Variants in SLC4A4 observed in about 807,000 individuals in gnomAD.
SLC4A4 encodes electrogenic sodium bicarbonate cotransporter 1.
A neutral mutation model predicts 111.5 loss-of-function variants in SLC4A4; 27 were observed. The observed-to-expected ratio is 0.24, with a 90% confidence interval of 0.18 to 0.33. SLC4A4 has a LOEUF of 0.33. Among genes scored for constraint, SLC4A4 ranks in the 10% least tolerant of loss-of-function variants. The probability of loss-of-function intolerance (pLI) is 1.00; values close to 1 mark genes in which losing one functional copy is unlikely to be tolerated. For synonymous variants in SLC4A4, 443 were observed against 463.4 expected, an observed-to-expected ratio of 0.96 and a Z score of 0.57; for missense variants, 909 against 1,315.5, an observed-to-expected ratio of 0.69 and a Z score of 4.78.
chr4:71,378,941 C>T (rs1188573214), intron 6 of SLC4A4, among the ~76,000 whole-genome samples: 2 of 152,146 alleles, frequency 1.3e-5, no homozygotes, highest in African/African-American at 4.8e-5. Flanking sequence ...TTGCCCTTCA[C>T]CCTCTGTACC....
chr4:71,424,230 A>C (rs1283345677), intron 7 of SLC4A4, among the ~76,000 whole-genome samples: 11 of 152,170 alleles, frequency 7.2e-5, no homozygotes, highest in Non-Finnish European at 1.3e-4. Flanking sequence ...GCCAAAAGAC[A>C]CATGAAAAAA....
At chr4:71,448,131 C>G (rs537501574) in intron 9 of SLC4A4, among the ~76,000 whole-genome samples, 1 of 151,976 alleles carries the variant, frequency 6.6e-6, no homozygotes, top group African/African-American at 2.4e-5. Flanking sequence ...ACCAGCCTGA[C>G]CAACATGGTG....
chr4:71,259,632 C>G (rs934925502), intron 3 of SLC4A4, among the ~76,000 whole-genome samples: 1 of 151,986 alleles, frequency 6.6e-6, no homozygotes, highest in African/African-American at 2.4e-5. Flanking sequence ...GCCTCCTCCA[C>G]TGTGCATTTT....
At chr4:71,333,164 C>T (rs1487378223) in intron 3 of SLC4A4, among the ~76,000 whole-genome samples, 4 of 152,210 alleles carry the variant, frequency 2.6e-5, no homozygotes, top group Non-Finnish European at 5.9e-5. Context: ...CTTGGGAAAG[C>T]TTTTCAAGCA....
intron 6 of SLC4A4, among the ~76,000 whole-genome samples, chr4:71,377,117 C>T (rs537697708): frequency 6.6e-6 from 1 of 152,082 alleles, no homozygotes; most frequent in Non-Finnish European, 1.5e-5. Context: ...AGTTTTAATT[C>T]CTAATGTAAC....
chr4:71,473,092 G>A (rs1244607948), intron 14 of SLC4A4, 122 bp downstream of exon 14: 6 of 1,107,502 alleles, frequency 5.4e-6, no homozygotes, highest in Non-Finnish European at 1.4e-6. Context: ...TTTTTTCTCT[G>A]AAAAACTCTG....
chr4:71,075,300 A>G (rs917409968), intron 1 of SLC4A4, among the ~76,000 whole-genome samples: 2 of 152,146 alleles, frequency 1.3e-5, no homozygotes, highest in African/African-American at 4.8e-5. Flanking sequence ...TGTGATTTCT[A>G]TTAATGTATT....
chr4:71,236,381 T>A, intron 1 of SLC4A4, 195 bp from the exon 2 acceptor site: 1 of 781,138 alleles, frequency 1.3e-6, no homozygotes, highest in South Asian at 1.8e-5. Flanking sequence ...ACTGAAGCTA[T>A]GTGGGACCGG....
intron 7 of SLC4A4, among the ~76,000 whole-genome samples, chr4:71,406,179 A>G (rs1281145530): frequency 1.3e-5 from 2 of 151,002 alleles, no homozygotes; most frequent in Non-Finnish European, 3.0e-5. Flanking sequence ...CCTTCCCCCA[A>G]CCCCCAAGAG....
intron 22 of SLC4A4, among the ~76,000 whole-genome samples, chr4:71,558,971 A>C (rs1001547511): frequency 6.6e-6 from 1 of 151,916 alleles, no homozygotes; most frequent in African/African-American, 2.4e-5. Context: ...AAACCAAGAA[A>C]ATTGAAGCTA....
At chr4:71,438,381 A>G (rs565505971) in intron 7 of SLC4A4, among the ~76,000 whole-genome samples, 43 of 152,354 alleles carry the variant, frequency 2.8e-4, no homozygotes, top group African/African-American at 9.1e-4. Flanking sequence ...TAAAAAGTCA[A>G]TATTACAATG....
intron 18 of SLC4A4, among the ~76,000 whole-genome samples, chr4:71,539,549 C>T (rs1487511138): frequency 6.6e-6 from 1 of 152,144 alleles, no homozygotes; most frequent in Admixed American, 6.5e-5. Context: ...CTCCTTACTT[C>T]CTAATGATTG....
At chr4:71,452,593 A>G (rs1560521205) in intron 11 of SLC4A4, among the ~76,000 whole-genome samples, 1 of 152,182 alleles carries the variant, frequency 6.6e-6, no homozygotes, top group Non-Finnish European at 1.5e-5. Flanking sequence ...TGCAAGGTCA[A>G]GACTTCGGAG....
intron 3 of SLC4A4, among the ~76,000 whole-genome samples, chr4:71,285,356 G>A (rs1723832889): frequency 6.6e-6 from 1 of 152,202 alleles, no homozygotes; most frequent in African/African-American, 2.4e-5. Flanking sequence ...GATGGGTGCT[G>A]TCAGTGGTGC....
chr4:71,430,247 G>A (rs1327436540), intron 7 of SLC4A4, among the ~76,000 whole-genome samples: 1 of 151,936 alleles, frequency 6.6e-6, no homozygotes, highest in Non-Finnish European at 1.5e-5. Flanking sequence ...GTTTTCTACA[G>A]TGCCTTCTTA....
At chr4:71,153,138 AG>A (rs1744363734) in intron 2 of SLC4A4, among the ~76,000 whole-genome samples, 1 of 151,530 alleles carries the variant, frequency 6.6e-6, no homozygotes, top group East Asian at 1.9e-4. Flanking sequence ...GAGCAAGGAG[AG>A]CCAGTCCGAG....
intron 2 of SLC4A4, among the ~76,000 whole-genome samples, chr4:71,129,076 G>A (rs1383122380): frequency 6.6e-6 from 1 of 152,082 alleles, no homozygotes; most frequent in Non-Finnish European, 1.5e-5. Context: ...TGAAGAAGAT[G>A]CCAAAAGCAA....
At chr4:71,387,350 T>C (rs572576286) in intron 6 of SLC4A4, among the ~76,000 whole-genome samples, 2 of 152,288 alleles carry the variant, frequency 1.3e-5, no homozygotes, top group South Asian at 2.1e-4. Context: ...GTTCTTTTCA[T>C]TGGTGTGGCT....
chr4:71,332,600 G>T (rs1018116011), intron 3 of SLC4A4, among the ~76,000 whole-genome samples: 1 of 151,854 alleles, frequency 6.6e-6, no homozygotes, highest in East Asian at 1.9e-4. Context: ...GCCCGCCACT[G>T]CGCCCGGCTA....
Sources: allele counts gnomAD v4.1 joint callset (sites outside exome capture counted in the v4.1 genomes callset), GRCh38; gene constraint gnomAD v4.1.1; transcripts MANE v1.5; gene names NCBI Gene and HGNC (gene_info 2026-07-23, HGNC 2026-07-21).